Variants in AP3S1 observed in about 807,000 individuals in gnomAD.
The protein encoded by AP3S1 is adaptor related protein complex 3 subunit sigma 1.
Under a neutral mutation model 21.3 loss-of-function variants are expected in AP3S1, and 12 were observed. The ratio of observed to expected loss-of-function variants is 0.56; its 90% CI spans 0.36 to 0.91. AP3S1 has a LOEUF of 0.91. Ranked by LOEUF, AP3S1 falls within the 40% of genes least tolerant of loss-of-function variation. The pLI is 0.01. For synonymous variants in AP3S1, 48 were observed against 78.4 expected (o/e 0.61, Z 2.05); for missense variants, 116 against 225.0 (o/e 0.52, Z 3.10).
Position 115,863,442 on chromosome 5 carries a change from G to A in AP3S1, c.70-3228G>A, listed in dbSNP as rs375384392. 4.1e-4 allele frequency among the ~76,000 whole-genome samples: 62 copies of A among 151,882 alleles called. 1 individual carries two copies. The South Asian group carries it at 0.011, about 27-fold the overall frequency. On this transcript the variant is annotated intron_variant, in intron 1 of 5. Coordinates refer to ENST00000316788, the MANE Select transcript of AP3S1 (RefSeq NM_001284.4). ...ACAAAAATTAGCTGGGCATGGTGGC[G>A]GGAACCTGTAATCCCAGCTACTCGG...
At position 115,894,993 on chromosome 5, in the gene AP3S1, A is replaced by C. The variant is rs554441381; in HGVS notation, c.274-94A>C. The C allele has an allele frequency of 1.4e-4, 109 of 792,284 alleles. No homozygotes were observed. The African/African-American group carries it at 1.9e-3, about 14-fold the overall frequency. The allele number at this position is 792,284 out of a possible 1,614,324, so 49.1% of individuals were successfully genotyped here. A position where few individuals can be genotyped will look rare whatever the true frequency, so the allele number is the denominator to read the frequency against. On this transcript the variant is annotated intron_variant, in intron 3 of 5. Transcript: ENST00000316788. ...TTGAAAAAGATAAATGTATAATACA[A>C]AATTTTAGTTCATAATTAAGAATTG...
At chr5:115,858,473 G>T (rs1482849292) in intron 1 of AP3S1, among the ~76,000 whole-genome samples, 1 of 152,120 alleles carries the variant, frequency 6.6e-6, no homozygotes, top group Non-Finnish European at 1.5e-5. Context: ...AGTTTCTACA[G>T]TTTCACAGAC....
chr5:115,891,884 G>A (rs1027665620), intron 3 of AP3S1, among the ~76,000 whole-genome samples: 3 of 152,224 alleles, frequency 2.0e-5, no homozygotes, highest in Non-Finnish European at 4.4e-5. Context: ...TTGCATCAGA[G>A]TGACCTGGAT....
chr5:115,878,382 G>A (rs1479273897), intron 3 of AP3S1, among the ~76,000 whole-genome samples: 1 of 152,176 alleles, frequency 6.6e-6, no homozygotes, highest in Admixed American at 6.5e-5. Context: ...TTTGTATAAG[G>A]TGTAAGGAAG....
At chr5:115,890,929 C>T (rs1198287342) in intron 3 of AP3S1, among the ~76,000 whole-genome samples, 1 of 152,138 alleles carries the variant, frequency 6.6e-6, no homozygotes, top group Admixed American at 6.5e-5. Flanking sequence ...AAATTTTCCT[C>T]TCTTCACTCC....
At position 115,860,897 on chromosome 5, in the gene AP3S1, A is replaced by G. The variant is rs141977600; in HGVS notation, c.70-5773A>G. On this transcript the variant is annotated intron_variant, in intron 1 of 5. Transcript: ENST00000316788. Reference sequence around the variant, plus strand: ...TTCTGTACCATACTGCCTTAACTTTATTGCCTTTTTTATGTGTAAGGTAAC... The same window carrying G: ...TTCTGTACCATACTGCCTTAACTTTGTTGCCTTTTTTATGTGTAAGGTAAC... 6.9e-3 allele frequency among the ~76,000 whole-genome samples: 1,049 copies of G among 152,202 alleles called. 9 individuals are homozygous for G. The highest frequency in any genetic ancestry group is 0.031 in the South Asian group (148 of 4,826).
intron 2 of AP3S1, among the ~76,000 whole-genome samples, chr5:115,869,224 G>C (rs376152525): frequency 6.6e-6 from 1 of 152,048 alleles, no homozygotes; most frequent in African/African-American, 2.4e-5. Flanking sequence ...TTTCATGAAA[G>C]AGTTTAGTAT....
chr5:115,841,987 GCCCGC>G lies in AP3S1; in HGVS notation c.-47_-43del. 6.5e-7 allele frequency: 1 copy of G among 1,539,846 alleles called. No homozygotes were observed. The highest frequency in any genetic ancestry group is 8.8e-7 in the Non-Finnish European group (1 of 1,142,110). On this transcript the variant is annotated 5_prime_UTR_variant, in exon 1 of 6. Coordinates refer to ENST00000316788, the MANE Select transcript of AP3S1 (RefSeq NM_001284.4). ...CGAGATTACGAGGCGAGGCTCGCGC[GCCCGC>G]CCCCGCCCTGGCCCCCAGTGCCCAC...
intron 5 of AP3S1, among the ~76,000 whole-genome samples, chr5:115,904,899 A>G (rs1441884604): frequency 6.6e-6 from 1 of 152,160 alleles, no homozygotes; most frequent in Non-Finnish European, 1.5e-5. Flanking sequence ...AGTATCTAGT[A>G]ATTTGTGAAT....
intron 4 of AP3S1, chr5:115,898,781 A>G (rs748425313): frequency 2.6e-5 from 4 of 152,246 alleles, no homozygotes; most frequent in Admixed American, 1.3e-4. Flanking sequence ...TTTATCACAT[A>G]CAGCTAAGGT....
intron 1 of AP3S1, among the ~76,000 whole-genome samples, chr5:115,854,224 G>A (rs757978448): frequency 4.6e-5 from 7 of 152,252 alleles, no homozygotes; most frequent in South Asian, 2.1e-4. Context: ...ACACTGTTGC[G>A]TTGGAGATTA....
Position 115,913,712 on chromosome 5 carries a change from T to C in AP3S1, c.*222T>C, listed in dbSNP as rs1752290182. 3 of 789,182 alleles carry C rather than the reference T, an allele frequency of 3.8e-6. No individual in the cohort carries two copies. The highest frequency in any genetic ancestry group is 2.6e-5 in the South Asian group (1 of 39,066). The allele number at this position is 789,182 out of a possible 1,614,324, so 48.9% of individuals were successfully genotyped here. A position where few individuals can be genotyped will look rare whatever the true frequency, so the allele number is the denominator to read the frequency against. On this transcript the variant is annotated 3_prime_UTR_variant, in exon 6 of 6. Coordinates refer to ENST00000316788, the MANE Select transcript of AP3S1 (RefSeq NM_001284.4). ...TTGAGTAGTTCCTATGTGATTTTTT[T>C]TTTTCTTTTCTAAACTGCATTCCTG...
At chr5:115,913,052 G>C (rs1388658247) in intron 5 of AP3S1, among the ~76,000 whole-genome samples, 1 of 152,132 alleles carries the variant, frequency 6.6e-6, no homozygotes, top group Non-Finnish European at 1.5e-5. Context: ...CTATCTGTCA[G>C]TTAAATCAAG....
chr5:115,913,091 G>A (rs1487616124), intron 5 of AP3S1, among the ~76,000 whole-genome samples: 1 of 152,148 alleles, frequency 6.6e-6, no homozygotes, highest in Admixed American at 6.5e-5. Context: ...GTTTTATCAT[G>A]TGAATATTGT....
intron 3 of AP3S1, among the ~76,000 whole-genome samples, chr5:115,874,480 C>G (rs1748533527): frequency 6.6e-6 from 1 of 152,048 alleles, no homozygotes; most frequent in Non-Finnish European, 1.5e-5. Context: ...ATCTCTGTTA[C>G]AGTTTTCTGT....
rs759507610 is a variant in AP3S1 at position 115,895,196 on chromosome 5, A to C, written c.345+38A>C. On this transcript the variant is annotated intron_variant, in intron 4 of 5. Transcript: ENST00000316788. ...TTGTCACATCTAAGCTTTTTAAGAA[A>C]AACATTAACTTATAATTGTCATAGC... 7 of 1,387,978 alleles carry C rather than the reference A, an allele frequency of 5.0e-6. No homozygotes were observed. In the African/African-American group the frequency reaches 7.3e-5, roughly 14 times the overall value. 86.0% of individuals were successfully genotyped at this position (1,387,978 alleles called of 1,614,324 possible).
intron 5 of AP3S1, among the ~76,000 whole-genome samples, chr5:115,904,681 A>AATTTAATTT (rs1287870704): frequency 8.5e-5 from 13 of 152,204 alleles, no homozygotes; most frequent in Admixed American, 3.9e-4. Context: ...AAAGACTCAT[A>AATTTAATTT]ATTTAATTTA....
chr5:115,856,363 C>T (rs1762798610), intron 1 of AP3S1, among the ~76,000 whole-genome samples: 1 of 150,836 alleles, frequency 6.6e-6, no homozygotes, highest in South Asian at 2.1e-4. Context: ...TTATGGGGTA[C>T]AGTGTGATGT....
intron 1 of AP3S1, among the ~76,000 whole-genome samples, chr5:115,844,916 A>G (rs369447547): frequency 1.4e-3 from 214 of 152,340 alleles, no homozygotes; most frequent in African/African-American, 4.8e-3. Flanking sequence ...CATTCTAAGC[A>G]GTCAACACTG....
Sources: gnomAD v4.1 joint callset for allele counts (sites outside exome capture counted in the v4.1 genomes callset) on GRCh38, gnomAD v4.1.1 for gene constraint, MANE v1.5 for transcripts, NCBI Gene and HGNC (gene_info 2026-07-23, HGNC 2026-07-21) for gene names.